INSL6: variants seen among roughly 807,000 people sequenced by gnomAD.
INSL6 encodes the protein insulin like 6, also known as insulin-like peptide INSL6.
In INSL6, 16 loss-of-function variants were observed where a neutral mutation model predicts 9.4. The ratio of observed to expected loss-of-function variants is 1.70; its 90% CI spans 1.15 to 2.59. The LOEUF (loss-of-function observed/expected upper bound fraction) is 2.59. Among genes scored for constraint, INSL6 ranks in the 30% most tolerant of loss-of-function variants. The pLI is 0.00. For missense variants in INSL6, 391 were observed against 257.3 expected, an observed-to-expected ratio of 1.52 and a Z score of -3.56; for synonymous variants, 154 against 96.9, an observed-to-expected ratio of 1.59 and a Z score of -3.46.
At chr9:5,159,952 A>T (rs372847631), downstream of INSL6, among the ~76,000 whole-genome samples, 625 of 152,300 alleles carry the variant, frequency 4.1e-3, 3 homozygotes, top group African/African-American at 0.014. Context: ...GGGCGGGTGG[A>T]TCACCTGAGG....
At chr9:5,085,111 G>C in the INSL6 span, 2 of 655,144 alleles carry the variant, frequency 3.1e-6, no homozygotes, top group African/African-American at 1.8e-5. Flanking sequence ...GGCAAGGTAG[G>C]TTGTTTGTTT....
rs114243037 is a variant in INSL6 at position 5,146,521 on chromosome 9, C to T, written c.377-12929G>A. Reference sequence around the variant, plus strand: ...ATAGCACAGGTGTGGGTGGCCTTCTCTGTGCCCCATAAGCAGGAGTGATCA... The same window carrying T: ...ATAGCACAGGTGTGGGTGGCCTTCTTTGTGCCCCATAAGCAGGAGTGATCA... On this transcript the variant is annotated intron_variant, in intron 2 of 3. Coordinates refer to the INSL6 transcript ENST00000649639. Among the ~76,000 whole-genome samples, 13 of 152,320 alleles carry T rather than the reference C, an allele frequency of 8.5e-5. No homozygotes were observed. The East Asian group carries it at 2.1e-3, about 25-fold the overall frequency.
At chr9:5,042,305 T>G in the INSL6 span, among the ~76,000 whole-genome samples, 15 of 150,012 alleles carry the variant, frequency 1.0e-4, no homozygotes, top group African/African-American at 3.4e-4. Context: ...GCCCGGCTAA[T>G]TTTTTGTATT....
chr9:5,021,029 A>G, the INSL6 span, among the ~76,000 whole-genome samples: 11 of 152,228 alleles, frequency 7.2e-5, no homozygotes, highest in African/African-American at 2.6e-4. Context: ...AGGGCCCATG[A>G]AAGTTGACGG....
the INSL6 span, chr9:5,055,544 A>T: frequency 8.7e-6 from 6 of 688,310 alleles, no homozygotes; most frequent in Non-Finnish European, 9.3e-6. Flanking sequence ...TTTAATGCTT[A>T]TCTATTGTTA....
the INSL6 span, among the ~76,000 whole-genome samples, chr9:5,035,634 A>G: frequency 6.6e-6 from 1 of 152,258 alleles, no homozygotes; most frequent in African/African-American, 2.4e-5. Context: ...GGCAAAAACC[A>G]TATGATTATC....
chr9:5,029,665 A>G, the INSL6 span: 1 of 861,886 alleles, frequency 1.2e-6, no homozygotes, highest in Non-Finnish European at 1.7e-6. Context: ...TTCGACTGCT[A>G]TTACATTTTG....
At chr9:5,023,511 A>G in the INSL6 span, among the ~76,000 whole-genome samples, 1 of 152,070 alleles carries the variant, frequency 6.6e-6, no homozygotes. Flanking sequence ...GCAGCCCTCT[A>G]TGTGAATTTT....
the INSL6 span, chr9:5,086,149 C>T: frequency 2.7e-6 from 1 of 367,246 alleles, no homozygotes. Flanking sequence ...CCCCGCAAGG[C>T]TCGGGGAGCG....
At chr9:5,181,952 C>T (rs191214670) in intron 1 of INSL6, among the ~76,000 whole-genome samples, 5 of 152,240 alleles carry the variant, frequency 3.3e-5, no homozygotes, top group Admixed American at 2.0e-4. Context: ...GATATGAGGA[C>T]ACAGGATTGG....
chr9:5,071,974 T>C, the INSL6 span, among the ~76,000 whole-genome samples: 1 of 152,236 alleles, frequency 6.6e-6, no homozygotes, highest in South Asian at 2.1e-4. Context: ...AGTGCTTTTA[T>C]GTATTTATTC....
chr9:5,011,198 C>G, the INSL6 span, among the ~76,000 whole-genome samples: 3 of 151,978 alleles, frequency 2.0e-5, no homozygotes, highest in Non-Finnish European at 4.4e-5. Flanking sequence ...AGTATTTCCT[C>G]TGTTCCACTT....
At position 5,155,252 on chromosome 9, in the gene INSL6, A is replaced by G. The variant is rs1222081081; in HGVS notation, c.376+8927T>C. Reference sequence around the variant, plus strand: ...AAAAAACCAAACACTGCATGTTCTCACTCCTAGGCGGGAATTGAACAATGA... The same window carrying G: ...AAAAAACCAAACACTGCATGTTCTCGCTCCTAGGCGGGAATTGAACAATGA... On this transcript the variant is annotated intron_variant, in intron 2 of 3. Transcript: ENST00000649639. 3.3e-5 allele frequency among the ~76,000 whole-genome samples: 5 copies of G among 149,394 alleles called. No individual in the cohort carries two copies. In the East Asian group the frequency reaches 1.0e-3, roughly 30 times the overall value.
chr9:5,182,411 G>C (rs1825477309), intron 1 of INSL6, among the ~76,000 whole-genome samples: 1 of 151,998 alleles, frequency 6.6e-6, no homozygotes, highest in Admixed American at 6.6e-5. Flanking sequence ...AATGGGAGTG[G>C]AGAAAGGGGC....
chr9:5,116,567 T>A, the INSL6 span, among the ~76,000 whole-genome samples: 6 of 152,180 alleles, frequency 3.9e-5, no homozygotes, highest in African/African-American at 1.4e-4. Context: ...TTAAATAAAA[T>A]TAGCTGGCAA....
chr9:5,002,906 TGTACC>T, the INSL6 span, among the ~76,000 whole-genome samples: 4 of 151,956 alleles, frequency 2.6e-5, no homozygotes, highest in African/African-American at 9.7e-5. Flanking sequence ...TTAATATTTG[TGTACC>T]GTATGAAGTA....
chr9:5,170,824 G>C (rs558394607), intron 1 of INSL6, among the ~76,000 whole-genome samples: 2 of 152,050 alleles, frequency 1.3e-5, no homozygotes, highest in Non-Finnish European at 2.9e-5. Context: ...CTAATAACAA[G>C]TTCTGAAATT....
the INSL6 span, chr9:5,090,403 A>T: frequency 2.1e-6 from 3 of 1,421,634 alleles, no homozygotes; most frequent in Non-Finnish European, 2.8e-6. Flanking sequence ...TAATCAGTAT[A>T]ATATGGCAGA....
chr9:5,108,253 C>T, the INSL6 span: 1 of 152,098 alleles, frequency 6.6e-6, no homozygotes, highest in Non-Finnish European at 1.5e-5. Flanking sequence ...GCATTCACAG[C>T]CACAGAACTA....
Sources: allele counts gnomAD v4.1 joint callset (sites outside exome capture counted in the v4.1 genomes callset), GRCh38; gene constraint gnomAD v4.1.1; transcripts MANE v1.5; gene names NCBI Gene and HGNC (gene_info 2026-07-23, HGNC 2026-07-21).